TLL1: variants seen among roughly 807,000 people sequenced by gnomAD.
TLL1 encodes tolloid like 1.
TLL1 carries 49 observed loss-of-function variants against 128.2 expected under a neutral mutation model. The observed-to-expected ratio is 0.38, with a 90% CI of 0.30 to 0.48. The LOEUF (loss-of-function observed/expected upper bound fraction) is 0.48, where lower values mean the gene tolerates loss of function less well. TLL1 is among the 20% of genes least tolerant of loss of function. TLL1 has a pLI of 0.96. For synonymous variants in TLL1, 454 were observed against 418.8 expected, an observed-to-expected ratio of 1.08 and a Z score of -1.03; for missense variants, 1,123 against 1,242.0, an observed-to-expected ratio of 0.90 and a Z score of 1.44.
At chr4:165,931,718 C>CAAAAAAATAAAAAAAA (rs761214388) in intron 1 of TLL1, among the ~76,000 whole-genome samples, 1 of 133,488 alleles carries the variant, frequency 7.5e-6, no homozygotes, top group African/African-American at 2.8e-5. Flanking sequence ...GACTCTGTCT[C>CAAAAAAATAAAAAAAA]AAAAGAAAAA....
In TLL1 at chr4:166,030,548, G is replaced by C. The variant is rs182359866; in HGVS notation, c.1158+5117G>C. 7.5e-4 allele frequency: 432 copies of C among 576,750 alleles called. 2 individuals carry two copies. In the African/African-American group the frequency reaches 7.5e-3, roughly 10 times the overall value. 35.7% of individuals were successfully genotyped at this position (576,750 alleles called of 1,614,324 possible). A position where few individuals can be genotyped will look rare whatever the true frequency, so the allele number is the denominator to read the frequency against. ...GTCTACTTTTAGTTTTATTGCCTGT[G>C]CTTTTGGTGTCATAGCCAAGAAATC... On this transcript the variant is annotated intron_variant, in intron 9 of 20. Coordinates refer to ENST00000061240, the MANE Select transcript of TLL1 (RefSeq NM_012464.5).
At chr4:165,899,709 G>A (rs1400969214) in intron 1 of TLL1, among the ~76,000 whole-genome samples, 2 of 152,154 alleles carry the variant, frequency 1.3e-5, no homozygotes, top group African/African-American at 4.8e-5. Flanking sequence ...TTGATCTGGG[G>A]TGGAGAGTTC....
intron 1 of TLL1, among the ~76,000 whole-genome samples, chr4:165,987,022 G>C (rs913572278): frequency 1.3e-5 from 2 of 152,020 alleles, no homozygotes; most frequent in African/African-American, 4.8e-5. Context: ...TAGTGATTGG[G>C]AGCTTGTTAA....
intron 18 of TLL1, among the ~76,000 whole-genome samples, chr4:166,088,140 C>T (rs1197605740): frequency 6.6e-6 from 1 of 152,166 alleles, no homozygotes; most frequent in Non-Finnish European, 1.5e-5. Context: ...CAGCTTTATA[C>T]ATTCAGCCTT....
At chr4:166,099,170 A>T in intron 19 of TLL1, 107 bp from the exon 20 acceptor site, 1 of 1,536,398 alleles carries the variant, frequency 6.5e-7, no homozygotes, top group Non-Finnish European at 9.0e-7. Context: ...TGGAAGTAGA[A>T]ACAGAAGTTA....
rs1032354102 is a variant in TLL1 at position 166,044,383 on chromosome 4, C to T, written c.1524+964C>T. On this transcript the variant is annotated intron_variant, in intron 12 of 20. Coordinates refer to ENST00000061240, the MANE Select transcript of TLL1 (RefSeq NM_012464.5). ...CCTGCAGCAGGAGCACCAGGAGAAT[C>T]CAGGGATTGCCAGTAAAGCCAGAGA... 9 of 1,535,506 alleles carry T rather than the reference C, an allele frequency of 5.9e-6. No individual in the cohort carries two copies. The East Asian group carries it at 2.0e-4, about 33-fold the overall frequency.
intron 1 of TLL1, among the ~76,000 whole-genome samples, chr4:165,893,191 A>T (rs1731500349): frequency 6.6e-6 from 1 of 152,224 alleles, no homozygotes; most frequent in Non-Finnish European, 1.5e-5. Context: ...ATCTTAACAA[A>T]TCCAAGCAAT....
At chr4:166,026,919 G>A (rs1738524687) in intron 9 of TLL1, among the ~76,000 whole-genome samples, 2 of 152,092 alleles carry the variant, frequency 1.3e-5, no homozygotes, top group South Asian at 2.1e-4. Flanking sequence ...TCTATAAAAT[G>A]TTACAACTCA....
At chr4:165,900,667 A>AT (rs139239795) in intron 1 of TLL1, among the ~76,000 whole-genome samples, 36,792 of 151,738 alleles carry the variant, frequency 0.24, 5,632 homozygotes, top group East Asian at 0.51. Flanking sequence ...TGCCCTTAAC[A>AT]TTTTTTTCCG....
intron 1 of TLL1, among the ~76,000 whole-genome samples, chr4:165,920,789 A>G (rs1489303596): frequency 6.6e-6 from 1 of 152,202 alleles, no homozygotes; most frequent in Admixed American, 6.5e-5. Context: ...TTTATCTAGT[A>G]CAGTTCAACT....
intron 8 of TLL1, among the ~76,000 whole-genome samples, chr4:166,021,104 A>T (rs1738208108): frequency 6.6e-6 from 1 of 152,148 alleles, no homozygotes; most frequent in South Asian, 2.1e-4. Flanking sequence ...GCTTCTTTTC[A>T]ATTACTTAAT....
intron 1 of TLL1, among the ~76,000 whole-genome samples, chr4:165,951,569 C>T (rs1437154793): frequency 6.6e-6 from 1 of 152,120 alleles, no homozygotes; most frequent in Admixed American, 6.6e-5. Context: ...GAGAAAGAGT[C>T]TCAAGAGGAC....
At chr4:166,062,736 C>A (rs1740382455) in intron 15 of TLL1, among the ~76,000 whole-genome samples, 1 of 152,070 alleles carries the variant, frequency 6.6e-6, no homozygotes, top group Non-Finnish European at 1.5e-5. Context: ...ATTGCCCTGG[C>A]CAGAACTTCC....
At position 165,954,285 on chromosome 4, in the gene TLL1, C is replaced by T. The variant is rs145923184; in HGVS notation, c.170-35096C>T. Reference sequence around the variant, plus strand: ...GTCTGAAATACCCAGAACACATACACGCTTGAGAGGAGTGGAAGGGATAAA... The same window carrying T: ...GTCTGAAATACCCAGAACACATACATGCTTGAGAGGAGTGGAAGGGATAAA... On this transcript the variant is annotated intron_variant, in intron 1 of 20. Transcript: ENST00000061240. 1.4e-3 allele frequency among the ~76,000 whole-genome samples: 219 copies of T among 152,088 alleles called. 2 individuals carry two copies. Among genetic ancestry groups the T allele is most frequent in the African/African-American group, 1.5e-3 (61 of 41,504 alleles).
chr4:165,978,686 C>T (rs1736002970), intron 1 of TLL1, among the ~76,000 whole-genome samples: 1 of 152,118 alleles, frequency 6.6e-6, no homozygotes, highest in South Asian at 2.1e-4. Context: ...GCTATGCCAC[C>T]AAATATGTGC....
intron 10 of TLL1, among the ~76,000 whole-genome samples, chr4:166,040,237 T>C (rs1307508735): frequency 6.6e-6 from 1 of 152,224 alleles, no homozygotes; most frequent in Admixed American, 6.5e-5. Flanking sequence ...TAACACCTAC[T>C]GAATGGGCAC....
At chr4:165,993,779 GT>G (rs750417897) in intron 3 of TLL1, among the ~76,000 whole-genome samples, 1 of 152,116 alleles carries the variant, frequency 6.6e-6, no homozygotes, top group Non-Finnish European at 1.5e-5. Context: ...TTTTGTTCGT[GT>G]TGTGTACTGA....
intron 18 of TLL1, among the ~76,000 whole-genome samples, chr4:166,084,959 A>G (rs1312477585): frequency 1.3e-5 from 2 of 150,956 alleles, no homozygotes; most frequent in Non-Finnish European, 3.0e-5. Flanking sequence ...GTTTTCTTTC[A>G]TCAATGTTTT....
At chr4:166,073,215 G>T (rs545215464) in intron 16 of TLL1, among the ~76,000 whole-genome samples, 7 of 152,176 alleles carry the variant, frequency 4.6e-5, no homozygotes, top group South Asian at 2.1e-4. Flanking sequence ...ACAAATTCAC[G>T]CAATTTACTG....
Sources: allele counts gnomAD v4.1 joint callset (sites outside exome capture counted in the v4.1 genomes callset), GRCh38; gene constraint gnomAD v4.1.1; transcripts MANE v1.5; gene names NCBI Gene and HGNC (gene_info 2026-07-23, HGNC 2026-07-21).